The following NCAPD3 variants were observed in gnomAD, a reference collection of about 807,000 sequenced individuals.
NCAPD3 encodes condensin-2 complex subunit D3.
NCAPD3 carries 105 observed loss-of-function variants against 182.9 expected under a neutral mutation model. That is an observed-to-expected ratio of 0.57 (90% CI 0.49 to 0.68). The LOEUF (loss-of-function observed/expected upper bound fraction) is 0.68. Among genes scored for constraint, NCAPD3 ranks in the 30% least tolerant of loss-of-function variants. The pLI is 0.00. For synonymous variants in NCAPD3, 815 were observed against 679.9 expected, an observed-to-expected ratio of 1.20 and a Z score of -3.09; for missense variants, 1,944 against 1,837.0, an observed-to-expected ratio of 1.06 and a Z score of -1.07.
intron 16 of NCAPD3, among the ~76,000 whole-genome samples, chr11:134,190,361 A>G (rs147849756): frequency 6.6e-6 from 1 of 152,280 alleles, no homozygotes; most frequent in East Asian, 1.9e-4. Flanking sequence ...TCATCCTCAT[A>G]TCATTGTTGT....
chr11:134,177,532 A>G, intron 22 of NCAPD3, 75 bp from the exon 23 acceptor site: 1 of 1,294,036 alleles, frequency 7.7e-7, no homozygotes, highest in Non-Finnish European at 1.1e-6. Context: ...CTCCAGATAC[A>G]TCTTGCTAAT....
intron 8 of NCAPD3, among the ~76,000 whole-genome samples, chr11:134,205,528 C>T (rs768960617): frequency 5.3e-5 from 8 of 151,894 alleles, no homozygotes; most frequent in Admixed American, 1.3e-4. Flanking sequence ...TACAGGTGCC[C>T]GCCACCACGC....
chr11:134,157,083 C>T lies in NCAPD3; in HGVS notation c.4187G>A (p.Ser1396Asn). 2 of 1,613,504 alleles carry T rather than the reference C, an allele frequency of 1.2e-6. No homozygotes were observed. Among genetic ancestry groups the T allele is most frequent in the Non-Finnish European group, 1.7e-6 (2 of 1,179,652 alleles). ...EKTCSQVSSY[S>N]LEQESNGEIE... Reference sequence around the variant, plus strand: ...CTCGCCATTCGACTCTTGCTCCAAACTGTATGAAGACACTAGAACAGAAAA... The same window carrying T: ...CTCGCCATTCGACTCTTGCTCCAAATTGTATGAAGACACTAGAACAGAAAA... The change falls in exon 32 of 35, where the codon AGT (serine) becomes AAT (asparagine). Residue 1396 changes from serine to asparagine, a missense_variant. Physicochemically the swap from Ser to Asn is conservative, Grantham distance 46. Transcript: ENST00000534548.
At chr11:134,224,165 C>T (rs946608307), upstream of NCAPD3, 4 of 595,342 alleles carry the variant, frequency 6.7e-6, no homozygotes, top group East Asian at 8.5e-5. Flanking sequence ...TCCGCTAATT[C>T]GTTCGAGAAG....
intron 27 of NCAPD3, among the ~76,000 whole-genome samples, chr11:134,167,583 T>C (rs1591829509): frequency 9.2e-6 from 1 of 108,796 alleles, no homozygotes; most frequent in Non-Finnish European, 1.8e-5. Context: ...TGAGATGAGC[T>C]TGGGGGAGGG....
At chr11:134,171,739 C>T (rs10791346) in intron 24 of NCAPD3, among the ~76,000 whole-genome samples, 41,802 of 152,034 alleles carry the variant, frequency 0.27, 6,260 homozygotes, top group African/African-American at 0.4. Context: ...CCAGGTTCCA[C>T]GGTGAATCAG....
At position 134,203,348 on chromosome 11, in the gene NCAPD3, T is replaced by C. The variant is rs955869016; in HGVS notation, c.1469-150A>G. On this transcript the variant is annotated intron_variant, in intron 11 of 34. Transcript: ENST00000534548. ...CAACTGATAACGTTCTCCTTGGGTA[T>C]GCATTGAAACGGAGATTCATCCTAA... 5 of 705,344 alleles carry C rather than the reference T, an allele frequency of 7.1e-6. No homozygotes were observed. The African/African-American group carries it at 7.2e-5, about 10-fold the overall frequency. The allele number at this position is 705,344 out of a possible 1,614,324, so 43.7% of individuals were successfully genotyped here. A position where few individuals can be genotyped will look rare whatever the true frequency, so the allele number is the denominator to read the frequency against.
At chr11:134,225,229 A>G (rs1938426044), upstream of NCAPD3, 1 of 1,614,106 alleles carries the variant, frequency 6.2e-7, no homozygotes, top group African/African-American at 1.3e-5. Flanking sequence ...AAGAAGGAGA[A>G]ATATTTCCTC....
chr11:134,200,192 C>T (rs960893500), intron 13 of NCAPD3, among the ~76,000 whole-genome samples: 5 of 151,998 alleles, frequency 3.3e-5, no homozygotes, highest in African/African-American at 4.8e-5. Context: ...GATTACACAA[C>T]GATTTCTTAG....
Position 134,185,410 on chromosome 11 carries a change from A to G in NCAPD3, c.2162T>C (p.Leu721Pro), listed in dbSNP as rs755273138. ...GTEHSAPAWM[L>P]LSKIAGSSPR... ...TGAGGAGCCAGCAATCTTGGAGAGC[A>G]GCATCCAGGCAGGTGCCGAATGTTC... The change falls in exon 17 of 35, where the codon CTG becomes CCG. Residue 721 changes from leucine to proline, a missense_variant. Physicochemically the swap from Leu to Pro is moderately conservative, Grantham distance 98 (BLOSUM62 -3). This residue lies in a region of NCAPD3 where 1,803 missense variants were observed against 1,674.6 expected (regional missense o/e 1.08). Transcript: ENST00000534548. 6.2e-7 allele frequency: 1 copy of G among 1,614,160 alleles called. No individual in the cohort carries two copies. The highest frequency in any genetic ancestry group is 1.1e-5 in the South Asian group (1 of 91,072).
intron 7 of NCAPD3, among the ~76,000 whole-genome samples, chr11:134,208,388 C>T (rs924389949): frequency 1.4e-4 from 22 of 152,156 alleles, no homozygotes; most frequent in African/African-American, 5.1e-4. Flanking sequence ...CGGGTGACAA[C>T]CTACAAAATT....
chr11:134,218,862 T>C (rs529275244), intron 2 of NCAPD3, among the ~76,000 whole-genome samples: 2 of 152,310 alleles, frequency 1.3e-5, no homozygotes, highest in East Asian at 3.9e-4. Flanking sequence ...CACACAATTT[T>C]TCCCACTTCA....
chr11:134,173,970 A>G (rs1397822986), intron 24 of NCAPD3, among the ~76,000 whole-genome samples: 1 of 152,024 alleles, frequency 6.6e-6, no homozygotes, highest in East Asian at 1.9e-4. Flanking sequence ...CAAAAAAAAA[A>G]AGAAAACAAA....
chr11:134,160,063 C>G lies in NCAPD3; in HGVS notation c.3696G>C (p.Gln1232His), dbSNP rs771315456. The part of the protein sequence containing the change: ...ELMHYLREVM[Q>H]DYRDELKDFF... Reference sequence around the variant, plus strand: ...AGTCCTTGAGCTCATCTCGGTAATCCTGCATCACCTCCTGAAACAGAGCCA... The same window carrying G: ...AGTCCTTGAGCTCATCTCGGTAATCGTGCATCACCTCCTGAAACAGAGCCA... The change falls in exon 29 of 35, where the codon CAG becomes CAC. Residue 1232 changes from glutamine (Q) to histidine (H), a missense_variant. Coordinates refer to ENST00000534548, the MANE Select transcript of NCAPD3 (RefSeq NM_015261.3). The G allele has an allele frequency of 2.5e-6, 4 of 1,613,880 alleles. No individual in the cohort carries two copies. Among genetic ancestry groups the G allele is most frequent in the Non-Finnish European group, 3.4e-6 (4 of 1,179,978 alleles).
In NCAPD3 at chr11:134,216,994, C is replaced by T; in HGVS notation, c.324G>A (p.Gln108=). 3.1e-6 allele frequency: 5 copies of T among 1,613,980 alleles called. No homozygotes were observed. Among genetic ancestry groups the T allele is most frequent in the Non-Finnish European group, 4.2e-6 (5 of 1,179,966 alleles). ...CGGCATGAAGGCCATATTCTCGATACTGTACACTGACATTCTTCTTATGAA... is the reference window on the plus strand; with the variant it reads ...CGGCATGAAGGCCATATTCTCGATATTGTACACTGACATTCTTCTTATGAA... ...QIVHKKNVSV[Q]YREYGLHAAG... Residue 108 remains glutamine, a synonymous_variant, in exon 3 of 35, where the codon CAG becomes CAA. Transcript: ENST00000534548.
rs1937760163 is a variant in NCAPD3, at chr11:134,209,757, T to C, written c.568-280A>G. 8.6e-6 allele frequency: 3 copies of C among 349,778 alleles called. No homozygotes were observed. In the Admixed American group the frequency reaches 1.3e-4, roughly 16 times the overall value. The allele number at this position is 349,778 out of a possible 1,614,324, so 21.7% of individuals were successfully genotyped here. A position where few individuals can be genotyped will look rare whatever the true frequency, so the allele number is the denominator to read the frequency against. On this transcript the variant is annotated intron_variant, in intron 4 of 34. Coordinates refer to ENST00000534548, the MANE Select transcript of NCAPD3 (RefSeq NM_015261.3). ...TATGAAATTCTGTCATTCTACCGTG[T>C]CACATAAGAATATGGAATTAGGCTG...
At chr11:134,170,384 T>C (rs370029554) in intron 24 of NCAPD3, among the ~76,000 whole-genome samples, 1 of 152,218 alleles carries the variant, frequency 6.6e-6, no homozygotes, top group East Asian at 1.9e-4. Flanking sequence ...GGTCACAGCA[T>C]CAGATGAAGT....
intron 16 of NCAPD3, among the ~76,000 whole-genome samples, chr11:134,187,126 C>T (rs942205394): frequency 1.3e-5 from 2 of 152,130 alleles, no homozygotes; most frequent in African/African-American, 4.8e-5. Flanking sequence ...ACAGCCATTC[C>T]CCACCTGGGC....
intron 2 of NCAPD3, among the ~76,000 whole-genome samples, chr11:134,217,561 A>T (rs1200163901): frequency 6.6e-6 from 1 of 152,214 alleles, no homozygotes; most frequent in Non-Finnish European, 1.5e-5. Flanking sequence ...CAGGAAATGA[A>T]AGAGATCTCG....
Sources: allele counts gnomAD v4.1 joint callset (sites outside exome capture counted in the v4.1 genomes callset), GRCh38; gene constraint gnomAD v4.1.1; regional missense constraint gnomAD v4.1.1; transcripts MANE v1.5; gene names NCBI Gene and HGNC (gene_info 2026-07-23, HGNC 2026-07-21).